Variants in TBL1Y observed in about 807,000 individuals in gnomAD.
TBL1Y encodes transducin beta like 1 Y-linked, also known as F-box-like/WD repeat-containing protein TBL1Y.
TBL1Y carries 15 observed loss-of-function variants against 12.0 expected under a neutral mutation model. The ratio of observed to expected loss-of-function variants is 1.25; its 90% confidence interval spans 0.83 to 1.92. TBL1Y has a LOEUF of 1.92. TBL1Y is among the 40% of genes most tolerant of loss of function. TBL1Y has a pLI of 0.00. For missense variants in TBL1Y, 148 were observed against 116.7 expected, an observed-to-expected ratio of 1.27 and a Z score of -1.24; for synonymous variants, 53 against 42.6, an observed-to-expected ratio of 1.24 and a Z score of -0.95.
At chrY:7,066,280 C>G in intron 8 of TBL1Y, among the ~76,000 whole-genome samples, 1 of 34,526 alleles carries the variant, frequency 2.9e-5, no homozygotes, top group Non-Finnish European at 7.3e-5. Context: ...CTCTCCACCA[C>G]TGTTATGTCT....
At chrY:6,991,944 C>G in intron 3 of TBL1Y, among the ~76,000 whole-genome samples, 1 of 34,126 alleles carries the variant, frequency 2.9e-5, no homozygotes, top group Non-Finnish European at 7.3e-5. Context: ...GGAATGTCTT[C>G]TTAAGATGCC....
At chrY:6,925,573 C>T in intron 2 of TBL1Y, among the ~76,000 whole-genome samples, 1 of 32,985 alleles carries the variant, frequency 3.0e-5, no homozygotes, top group Non-Finnish European at 7.5e-5. Flanking sequence ...CATGTGCCAC[C>T]GCACCTGGCT....
At position 6,999,548 on chromosome Y, in the gene TBL1Y, C is replaced by T. The variant is rs377141930; in HGVS notation, c.-140+3650C>T. ...GGAGAGTTCTCACCTTCCCTGCTTT[C>T]CAAGCCTACCTGAGATGGGCAACCA... On this transcript the variant is annotated intron_variant, in intron 4 of 18. Transcript: ENST00000383032. Among the ~76,000 whole-genome samples, 175 of 32,137 alleles carry T rather than the reference C, an allele frequency of 5.4e-3. No individual in the cohort carries two copies. In the South Asian group the frequency reaches 0.088, roughly 16 times the overall value. 86.2% of individuals were successfully genotyped at this position (32,137 alleles called of 37,273 possible).
chrY:6,940,147 A>G (rs2011942359), intron 2 of TBL1Y, among the ~76,000 whole-genome samples: 1 of 26,636 alleles, frequency 3.8e-5, no homozygotes, highest in African/African-American at 1.5e-4. Flanking sequence ...CTGTAGGCCC[A>G]CCTATTCATG....
intron 3 of TBL1Y, among the ~76,000 whole-genome samples, chrY:6,989,038 T>C (rs992121893): frequency 5.5e-4 from 18 of 32,716 alleles, no homozygotes; most frequent in Non-Finnish European, 1.1e-3. Flanking sequence ...GCTAACACAG[T>C]GAAACCCCAT....
intron 6 of TBL1Y, among the ~76,000 whole-genome samples, chrY:7,032,012 G>A: frequency 3.0e-5 from 1 of 33,221 alleles, no homozygotes; most frequent in Non-Finnish European, 7.4e-5. Flanking sequence ...TGGTGGCGAA[G>A]GTTGCACAAC....
intron 2 of TBL1Y, among the ~76,000 whole-genome samples, chrY:6,936,758 G>A: frequency 3.0e-5 from 1 of 33,183 alleles, no homozygotes; most frequent in Non-Finnish European, 7.4e-5. Flanking sequence ...CATCTTTGCT[G>A]TTGACCTCAG....
At chrY:6,999,737 C>T in intron 4 of TBL1Y, among the ~76,000 whole-genome samples, 2 of 24,865 alleles carry the variant, frequency 8.0e-5, no homozygotes, top group Non-Finnish European at 1.9e-4. Context: ...GCCTTTCCTT[C>T]CCTTCTTCTC....
intron 7 of TBL1Y, among the ~76,000 whole-genome samples, chrY:7,054,673 A>C: frequency 2.9e-5 from 1 of 34,135 alleles, no homozygotes; most frequent in Non-Finnish European, 7.3e-5. Context: ...CTTCTGATTC[A>C]GTGAGGTGCC....
At chrY:7,063,423 C>T in intron 7 of TBL1Y, among the ~76,000 whole-genome samples, 1 of 32,732 alleles carries the variant, frequency 3.1e-5, no homozygotes, top group South Asian at 7.1e-4. Flanking sequence ...TAAACTAATT[C>T]CGATTGGCTA....
intron 8 of TBL1Y, among the ~76,000 whole-genome samples, chrY:7,064,998 AAG>A (rs2012967860): frequency 3.0e-5 from 1 of 33,691 alleles, no homozygotes; most frequent in African/African-American, 1.2e-4. Flanking sequence ...AAAGGAGAGT[AAG>A]AGAATACCCA....
At chrY:7,064,197 G>C (rs368887682) in intron 8 of TBL1Y, 48 bp downstream of exon 8, 5 of 388,103 alleles carry the variant, frequency 1.3e-5, no homozygotes, top group South Asian at 3.1e-5. Flanking sequence ...TGGGTTCATT[G>C]TTTTCTTTTA....
chrY:7,063,545 T>C (rs954711297), intron 7 of TBL1Y, among the ~76,000 whole-genome samples: 11 of 31,066 alleles, frequency 3.5e-4, no homozygotes, highest in Admixed American at 1.2e-3. Flanking sequence ...CAGGATGGAG[T>C]AGGTAATCGG....
chrY:6,990,988 A>G (rs2012360771), intron 3 of TBL1Y, among the ~76,000 whole-genome samples: 1 of 32,964 alleles, frequency 3.0e-5, no homozygotes, highest in Non-Finnish European at 7.4e-5. Context: ...TCCTTCCTAA[A>G]ATGCTGTGAG....
intron 2 of TBL1Y, among the ~76,000 whole-genome samples, chrY:6,921,864 A>G (rs2011780882): frequency 3.0e-5 from 1 of 33,154 alleles, no homozygotes; most frequent in Admixed American, 2.8e-4. Flanking sequence ...TTTGAGATGG[A>G]GTCTCACTCT....
At chrY:6,954,782 C>T (rs2124112202) in intron 2 of TBL1Y, among the ~76,000 whole-genome samples, 2 of 33,764 alleles carry the variant, frequency 5.9e-5, no homozygotes, top group South Asian at 1.4e-3. Context: ...GGAGTTGGTC[C>T]TATTCAGCCA....
At chrY:7,084,691 C>T in intron 14 of TBL1Y, among the ~76,000 whole-genome samples, 1 of 33,511 alleles carries the variant, frequency 3.0e-5, no homozygotes, top group Non-Finnish European at 7.3e-5. Context: ...AGGGTTTAGT[C>T]TCAGCGTACC....
intron 3 of TBL1Y, among the ~76,000 whole-genome samples, chrY:6,986,807 A>G (rs777530170): frequency 6.2e-5 from 2 of 32,270 alleles, no homozygotes; most frequent in African/African-American, 2.4e-4. Context: ...TTCTGGAATG[A>G]ACGTCTTTTG....
intron 4 of TBL1Y, among the ~76,000 whole-genome samples, chrY:7,004,871 G>A (rs2012476363): frequency 3.0e-5 from 1 of 33,685 alleles, no homozygotes; most frequent in Non-Finnish European, 7.3e-5. Flanking sequence ...GTGATCTGAT[G>A]CAAAGGTTAA....
Sources: allele counts gnomAD v4.1 joint callset (sites outside exome capture counted in the v4.1 genomes callset), GRCh38; gene constraint gnomAD v4.1.1; transcripts MANE v1.5; gene names NCBI Gene and HGNC (gene_info 2026-07-23, HGNC 2026-07-21).